The following ASB10 variants were observed in gnomAD, a reference collection of about 807,000 sequenced individuals.
The protein encoded by ASB10 is ankyrin repeat and SOCS box containing 10.
Under a neutral mutation model 35.4 loss-of-function variants are expected in ASB10, and 44 were observed. That is an observed-to-expected ratio of 1.24 (90% CI 0.98 to 1.60). The LOEUF is 1.60. ASB10 is among the 40% of genes most tolerant of loss of function. The probability of loss-of-function intolerance (pLI) is 0.00; values close to 1 mark genes in which losing one functional copy is unlikely to be tolerated. For missense variants in ASB10, 647 were observed against 634.3 expected (o/e 1.02, Z -0.22); for synonymous variants, 294 against 280.4 (o/e 1.05, Z -0.49).
At chr7:151,185,600 C>T (rs551774785) in intron 2 of ASB10, among the ~76,000 whole-genome samples, 10 of 152,220 alleles carry the variant, frequency 6.6e-5, no homozygotes, top group Admixed American at 5.9e-4. Context: ...AAGGAGAACC[C>T]CAGGGTCAAT....
intron 2 of ASB10, among the ~76,000 whole-genome samples, chr7:151,182,857 G>A (rs1801520056): frequency 6.6e-6 from 1 of 152,210 alleles, no homozygotes. Flanking sequence ...GGGAGGTATA[G>A]AGGGTGATGG....
chr7:151,186,751 C>G, intron 1 of ASB10, 64 bp downstream of exon 1: 1 of 1,532,892 alleles, frequency 6.5e-7, no homozygotes, highest in Non-Finnish European at 8.8e-7. Flanking sequence ...GAAGAGGGAG[C>G]CCAGAGCTCC....
intron 2 of ASB10, among the ~76,000 whole-genome samples, chr7:151,182,699 G>C (rs917119988): frequency 6.6e-6 from 1 of 152,210 alleles, no homozygotes; most frequent in Non-Finnish European, 1.5e-5. Flanking sequence ...ACGGGACTTG[G>C]CCTCTTTGAG....
intron 3 of ASB10, 120 bp from the exon 4 acceptor site, chr7:151,176,796 CT>C (rs1205110181): frequency 1.2e-5 from 8 of 679,412 alleles, no homozygotes. Flanking sequence ...ACCTATCCCC[CT>C]GTACCTATGA....
intron 2 of ASB10, among the ~76,000 whole-genome samples, chr7:151,185,803 A>C (rs960800863): frequency 2.6e-5 from 4 of 152,206 alleles, no homozygotes; most frequent in African/African-American, 9.6e-5. Flanking sequence ...ATACATTGGC[A>C]CATTTGGGTG....
chr7:151,182,722 C>T (rs1351171890), intron 2 of ASB10, among the ~76,000 whole-genome samples: 2 of 152,126 alleles, frequency 1.3e-5, no homozygotes, highest in East Asian at 1.9e-4. Context: ...CCTGTTCCCT[C>T]GTGTGTAGAA....
At chr7:151,175,990 G>C in intron 5 of ASB10, 24 bp from the exon 6 acceptor site, 2 of 1,236,904 alleles carry the variant, frequency 1.6e-6, no homozygotes, top group Non-Finnish European at 2.2e-6. Context: ...TTTGGATTCA[G>C]AGGCTTCTGG....
At chr7:151,184,863 A>G (rs1231352959) in intron 2 of ASB10, among the ~76,000 whole-genome samples, 1 of 151,902 alleles carries the variant, frequency 6.6e-6, no homozygotes, top group Non-Finnish European at 1.5e-5. Flanking sequence ...TCTACTAAAA[A>G]TACAAAAAAT....
intron 3 of ASB10, 111 bp downstream of exon 3, chr7:151,180,827 GA>G (rs1801470327): frequency 1.4e-6 from 2 of 1,404,350 alleles, no homozygotes; most frequent in African/African-American, 2.9e-5. Context: ...AAGACAGACA[GA>G]AGGAACCAAT....
At chr7:151,176,427 A>G in intron 4 of ASB10, 130 bp from the exon 5 acceptor site, 4 of 1,460,410 alleles carry the variant, frequency 2.7e-6, no homozygotes. Context: ...TGAATGTTTG[A>G]GTGTTCACTC....
At chr7:151,179,232 T>G (rs1291478243) in intron 3 of ASB10, among the ~76,000 whole-genome samples, 2 of 152,246 alleles carry the variant, frequency 1.3e-5, no homozygotes, top group Non-Finnish European at 2.9e-5. Context: ...ATCCCTATGT[T>G]ACAGATGACA....
chr7:151,182,593 A>C (rs556261649), intron 2 of ASB10, among the ~76,000 whole-genome samples: 1 of 152,278 alleles, frequency 6.6e-6, no homozygotes, highest in South Asian at 2.1e-4. Context: ...AGAAAAATAA[A>C]AAATAAAAAA....
chr7:151,178,127 T>G (rs1482681875), intron 3 of ASB10, among the ~76,000 whole-genome samples: 1 of 152,166 alleles, frequency 6.6e-6, no homozygotes, highest in Admixed American at 6.5e-5. Flanking sequence ...CATGCACCTT[T>G]AATCCCAGCT....
At position 151,187,165 on chromosome 7, in the gene ASB10, G is replaced by A. The variant is rs1463819675; in HGVS notation, c.-35C>T. 1 of 1,556,588 alleles carries A rather than the reference G, an allele frequency of 6.4e-7. No individual in the cohort carries two copies. The highest frequency in any genetic ancestry group is 8.7e-7 in the Non-Finnish European group (1 of 1,149,826). On this transcript the variant is annotated 5_prime_UTR_variant, in exon 1 of 6. Transcript: ENST00000420175. This position sits in a 1 kb window ranked among gnomAD's most constrained non-coding sequence, Gnocchi z 5.3. ...GAAAGGGGAGTGGGGAGGAGGAGAGGTATATGCCAAAGGCAGAGAGAGAGA... is the reference window on the plus strand; with the variant it reads ...GAAAGGGGAGTGGGGAGGAGGAGAGATATATGCCAAAGGCAGAGAGAGAGA...
chr7:151,182,670 G>A (rs1362308148), intron 2 of ASB10, among the ~76,000 whole-genome samples: 1 of 152,220 alleles, frequency 6.6e-6, no homozygotes, highest in Admixed American at 6.5e-5. Context: ...AGCAACGTGT[G>A]TGCCTCACTT....
Position 151,176,150 on chromosome 7 carries a change from G to C in ASB10, c.1366C>G (p.Arg456Gly). Reference protein sequence around the residue: ...PRLPLPPRLLRYLQLDFEGVL... With the variant: ...PRLPLPPRLLGYLQLDFEGVL... ...CCCTCAAAATCCAGCTGCAGGTAGC[G>C]GAGCAGGCGCGGTGGCAGGGGGAGG... The change falls in exon 5 of 6, where the codon CGC becomes GGC. Residue 456 changes from arginine (R) to glycine (G), a missense_variant. Transcript: ENST00000420175. 4 of 1,611,922 alleles carry C rather than the reference G, an allele frequency of 2.5e-6. No homozygotes were observed. Among genetic ancestry groups the C allele is most frequent in the Non-Finnish European group, 3.4e-6 (4 of 1,179,842 alleles).
chr7:151,187,448 T>C, upstream of ASB10: 4 of 1,551,224 alleles, frequency 2.6e-6, no homozygotes, highest in Non-Finnish European at 3.5e-6. The surrounding 1 kb of genome is among the most constrained non-coding windows in gnomAD (Gnocchi z 5.3). Context: ...CAGATGCCCC[T>C]CACCCCTCTG....
chr7:151,186,719 G>T, intron 1 of ASB10, 60 bp from the exon 2 acceptor site: 1 of 1,552,230 alleles, frequency 6.4e-7, no homozygotes. Flanking sequence ...TCCAGCCAAT[G>T]GGGTGAGGTG....
At chr7:151,177,166 A>G (rs769885655) in intron 3 of ASB10, among the ~76,000 whole-genome samples, 69 of 152,244 alleles carry the variant, frequency 4.5e-4, no homozygotes, top group Non-Finnish European at 8.2e-4. Context: ...TAAGCTACCC[A>G]CTTTGTGGTA....
Sources: gnomAD v4.1 joint callset for allele counts (sites outside exome capture counted in the v4.1 genomes callset) on GRCh38, gnomAD v4.1.1 for gene constraint, Gnocchi (gnomAD v3.1) non-coding constraint, MANE v1.5 for transcripts, NCBI Gene and HGNC (gene_info 2026-07-23, HGNC 2026-07-21) for gene names.